The following MMS19 variants were observed in gnomAD, a reference collection of about 807,000 sequenced individuals.
MMS19 encodes MMS19 cytosolic iron-sulfur assembly component, also known as MMS19 nucleotide excision repair protein homolog.
In MMS19, 77 loss-of-function variants were observed where a neutral mutation model predicts 129.8. The ratio of observed to expected loss-of-function variants is 0.59; its 90% confidence interval spans 0.49 to 0.72. The LOEUF is 0.72. Ranked by LOEUF, MMS19 falls within the 30% of genes least tolerant of loss-of-function variation. The probability of loss-of-function intolerance (pLI) is 0.00; values close to 1 mark genes in which losing one functional copy is unlikely to be tolerated. For missense variants in MMS19, 1,168 were observed against 1,266.3 expected, an observed-to-expected ratio of 0.92 and a Z score of 1.18; for synonymous variants, 491 against 502.8, an observed-to-expected ratio of 0.98 and a Z score of 0.31.
intron 25 of MMS19, chr10:97,460,468 G>A (rs922324980): frequency 8.0e-6 from 5 of 621,660 alleles, no homozygotes; most frequent in Non-Finnish European, 1.4e-5. Context: ...CTACTTGCGA[G>A]GCTGAAGTGG....
Position 97,463,162 on chromosome 10 carries a change from A to T in MMS19, c.1913-480T>A, listed in dbSNP as rs544299060. Among the ~76,000 whole-genome samples, 43 of 133,288 alleles carry T rather than the reference A, an allele frequency of 3.2e-4. 1 individual carries two copies. The highest frequency in any genetic ancestry group is 3.7e-4 in the Non-Finnish European group (22 of 60,080). 87.4% of individuals were successfully genotyped at this position (133,288 alleles called of 152,430 possible). On this transcript the variant is annotated intron_variant, in intron 19 of 30. Transcript: ENST00000438925. ...ATCCTTACCAACTACCCTGTGAAAC[A>T]GTTTTTTTTTTTTTTTTTTTTGAGA...
chr10:97,498,349 A>C lies in MMS19; in HGVS notation c.36T>G (p.Pro12=). The stretch of plus-strand genomic sequence containing the variant: ...GCACGAGGCCCCATAGGGCACCCAT[A>C]GGCGCCGCCGCCTCCACAGCCGCGG... ...AAAAAVEAAA[P]MGALWGLVHD... The change falls in exon 1 of 31, where the codon CCT becomes CCG. Residue 12 remains proline, a synonymous_variant. Transcript: ENST00000438925. 6.4e-7 allele frequency: 1 copy of C among 1,571,510 alleles called. No homozygotes were observed. Among genetic ancestry groups the C allele is most frequent in the Non-Finnish European group, 8.6e-7 (1 of 1,166,224 alleles).
chr10:97,498,508 T>G (rs1002956294), upstream of MMS19: 1 of 1,387,714 alleles, frequency 7.2e-7, no homozygotes, highest in Non-Finnish European at 9.7e-7. Context: ...GTCACGTGCC[T>G]GCCGGCTTCT....
chr10:97,493,462 T>C (rs2039281162), intron 1 of MMS19, among the ~76,000 whole-genome samples: 1 of 152,162 alleles, frequency 6.6e-6, no homozygotes, highest in Non-Finnish European at 1.5e-5. Context: ...TCTCAGCTAC[T>C]CTGGAGGCTG....
chr10:97,477,649 G>A (rs1006017774), intron 5 of MMS19, among the ~76,000 whole-genome samples: 6 of 152,178 alleles, frequency 3.9e-5, no homozygotes, highest in Admixed American at 2.6e-4. Context: ...AGGTATAAGA[G>A]GACACAGGTC....
rs2036264311 is a variant in MMS19, at chr10:97,479,005, GAGGTT to G, written c.263-621_263-617del. Among the ~76,000 whole-genome samples, 14 of 152,260 alleles carry G rather than the reference GAGGTT, an allele frequency of 9.2e-5. No homozygotes were observed. In the South Asian group the frequency reaches 2.9e-3, roughly 32 times the overall value. On this transcript the variant is annotated intron_variant, in intron 3 of 30. Transcript: ENST00000438925. ...GAGGTGGGACGATCATTTAAGCCCA[GAGGTT>G]TAAGGCCACCCTGAGCAACACAGTG...
chr10:97,471,918 A>T (rs1433739176), intron 8 of MMS19, among the ~76,000 whole-genome samples: 2 of 152,214 alleles, frequency 1.3e-5, no homozygotes, highest in African/African-American at 4.8e-5. Flanking sequence ...AAAGGTCAGA[A>T]AATCAGAGGT....
rs139851961 is a variant in MMS19 at position 97,472,127 on chromosome 10, C to T, written c.685-1266G>A. 3.1e-4 allele frequency among the ~76,000 whole-genome samples: 47 copies of T among 152,220 alleles called. No individual in the cohort carries two copies. In the South Asian group the frequency reaches 7.9e-3, roughly 25 times the overall value. On this transcript the variant is annotated intron_variant, in intron 8 of 30. Transcript: ENST00000438925. ...ACATCACTGTGAAGTTTCAATGTAT[C>T]GGGGTGAACCAAACATCAGTTTATA...
chr10:97,474,613 G>C, intron 8 of MMS19, among the ~76,000 whole-genome samples: 2 of 152,244 alleles, frequency 1.3e-5, no homozygotes, highest in East Asian at 1.9e-4. Flanking sequence ...ACAATAAAGA[G>C]TATTTGTAAC....
chr10:97,465,051 C>T (rs1046068899), intron 18 of MMS19, among the ~76,000 whole-genome samples: 1 of 151,378 alleles, frequency 6.6e-6, no homozygotes, highest in African/African-American at 2.4e-5. Context: ...CCCTGTTTGC[C>T]CAGGTGTGAG....
chr10:97,470,268 C>T (rs148104158), intron 9 of MMS19, 65 bp from the exon 10 acceptor site: 32 of 1,101,896 alleles, frequency 2.9e-5, no homozygotes, highest in Non-Finnish European at 4.1e-5. Flanking sequence ...CAAGGTCAAC[C>T]CTGTCCTTGC....
At chr10:97,475,424 CAACACAA>C (rs1389153397) in intron 8 of MMS19, among the ~76,000 whole-genome samples, 1 of 152,106 alleles carries the variant, frequency 6.6e-6, no homozygotes, top group Admixed American at 6.5e-5. Flanking sequence ...TTTTCAAAAC[CAACACAA>C]AACACAAAAT....
intron 1 of MMS19, among the ~76,000 whole-genome samples, chr10:97,485,837 A>G (rs2037746619): frequency 6.6e-6 from 1 of 152,232 alleles, no homozygotes; most frequent in South Asian, 2.1e-4. Flanking sequence ...AGTGCTGGTG[A>G]AGAGAGAGAG....
chr10:97,469,023 C>A lies in MMS19; in HGVS notation c.1006G>T (p.Val336Leu). Residue 336 changes from valine to leucine, a missense_variant, in exon 12 of 31, where the codon GTG (valine) becomes TTG (leucine). Transcript: ENST00000438925. The part of the protein sequence containing the change: ...HSLTACLSRS[V>L]LRADAEDLLD... The stretch of plus-strand genomic sequence containing the variant: ...AGGTCCTCAGCATCAGCCCTCAGCA[C>A]AGAGCGAGACAAACACGCAGTCAGG... 1 of 1,586,534 alleles carries A rather than the reference C, an allele frequency of 6.3e-7. No homozygotes were observed. Among genetic ancestry groups the A allele is most frequent in the Non-Finnish European group, 8.6e-7 (1 of 1,166,480 alleles).
chr10:97,480,911 A>G (rs775830314), intron 3 of MMS19, 31 bp downstream of exon 3: 27 of 1,489,746 alleles, frequency 1.8e-5, no homozygotes, highest in Admixed American at 3.7e-5. Flanking sequence ...TCAGCAATCC[A>G]GGAAGACATT....
chr10:97,481,524 A>T (rs2036794457), intron 2 of MMS19, among the ~76,000 whole-genome samples: 1 of 152,168 alleles, frequency 6.6e-6, no homozygotes, highest in South Asian at 2.1e-4. Context: ...CCAAGTTCCT[A>T]GAGTAAAAGA....
Position 97,465,928 on chromosome 10 carries a change from C to T in MMS19, c.1633G>A (p.Glu545Lys), listed in dbSNP as rs776952844. Reference sequence around the variant, plus strand: ...AGATGCCGGGAGCATTGGGTGGGCTCATCTCCGTTAGTCAAATTTGACTCC... The same window carrying T: ...AGATGCCGGGAGCATTGGGTGGGCTTATCTCCGTTAGTCAAATTTGACTCC... ...VGESNLTNGD[E>K]PTQCSRHLCC... The change falls in exon 18 of 31, where the codon GAG (glutamate) becomes AAG (lysine). Residue 545 changes from glutamate (E) to lysine (K), a missense_variant. Coordinates refer to ENST00000438925, the MANE Select transcript of MMS19 (RefSeq NM_022362.5). The T allele has an allele frequency of 4.3e-6, 7 of 1,613,948 alleles. No homozygotes were observed. In the East Asian group the frequency reaches 1.6e-4, roughly 36 times the overall value.
rs374224286 is a variant in MMS19 at position 97,480,228 on chromosome 10, C to T, written c.262+714G>A. 1,050 of 463,232 alleles carry T rather than the reference C, an allele frequency of 2.3e-3. 11 individuals carry two copies. Among genetic ancestry groups the T allele is most frequent in the South Asian group, 0.012 (785 of 63,616 alleles). 28.7% of individuals were successfully genotyped at this position (463,232 alleles called of 1,614,324 possible). A position where few individuals can be genotyped will look rare whatever the true frequency, so the allele number is the denominator to read the frequency against. Reference sequence around the variant, plus strand: ...AATCAGACACCGCCTCCTCCAGCTTCTGGATATATTACCTAGCTGGTATCT... The same window carrying T: ...AATCAGACACCGCCTCCTCCAGCTTTTGGATATATTACCTAGCTGGTATCT... On this transcript the variant is annotated intron_variant, in intron 3 of 30. Coordinates refer to ENST00000438925, the MANE Select transcript of MMS19 (RefSeq NM_022362.5).
At chr10:97,478,888 T>C (rs1017035044) in intron 3 of MMS19, among the ~76,000 whole-genome samples, 1 of 152,194 alleles carries the variant, frequency 6.6e-6, no homozygotes, top group Admixed American at 6.5e-5. Context: ...TAAATTTATA[T>C]AGATGATATT....
Sources: allele counts gnomAD v4.1 joint callset (sites outside exome capture counted in the v4.1 genomes callset), GRCh38; gene constraint gnomAD v4.1.1; transcripts MANE v1.5; gene names NCBI Gene and HGNC (gene_info 2026-07-23, HGNC 2026-07-21).